RALGAPA2: variants seen among roughly 807,000 people sequenced by gnomAD.
RALGAPA2 encodes the protein ral GTPase-activating protein subunit alpha-2.
Under a neutral mutation model 230.4 loss-of-function variants are expected in RALGAPA2, and 139 were observed. The ratio of observed to expected loss-of-function variants is 0.60; its 90% CI spans 0.53 to 0.69. RALGAPA2 has a LOEUF of 0.69. Ranked by LOEUF, RALGAPA2 falls within the 30% of genes least tolerant of loss-of-function variation. The pLI, the probability that RALGAPA2 is intolerant of heterozygous loss-of-function variation, is 0.00. For missense variants in RALGAPA2, 2,163 were observed against 2,276.0 expected (o/e 0.95, Z 1.01); for synonymous variants, 847 against 837.8 (o/e 1.01, Z -0.19).
At chr20:20,523,692 T>C (rs2063112236) in intron 30 of RALGAPA2, among the ~76,000 whole-genome samples, 1 of 152,180 alleles carries the variant, frequency 6.6e-6, no homozygotes. Context: ...ACCCTGAAAA[T>C]ATGTACATCT....
At chr20:20,584,841 G>A (rs1324273637) in intron 19 of RALGAPA2, 24 bp downstream of exon 19, 11 of 1,505,846 alleles carry the variant, frequency 7.3e-6, no homozygotes, top group Non-Finnish European at 9.2e-6. Context: ...GTAGTTGGAG[G>A]AACAGACATT....
At position 20,533,086 on chromosome 20, in the gene RALGAPA2, C is replaced by T. The variant is rs2063408697; in HGVS notation, c.3474-1291G>A. 2.0e-5 allele frequency among the ~76,000 whole-genome samples: 3 copies of T among 147,714 alleles called. No individual in the cohort carries two copies. The South Asian group carries it at 6.4e-4, about 32-fold the overall frequency. On this transcript the variant is annotated intron_variant, in intron 26 of 39. Transcript: ENST00000202677. ...GAAAAATGGGATGGGGAAATGAAGG[C>T]AAGATAAAGGAGAAATAAAAGAAAT...
intron 10 of RALGAPA2, among the ~76,000 whole-genome samples, chr20:20,622,698 C>T (rs745845272): frequency 6.6e-6 from 1 of 151,932 alleles, no homozygotes; most frequent in Non-Finnish European, 1.5e-5. Flanking sequence ...AAAACTTATC[C>T]TTTAGATAGA....
At chr20:20,491,356 C>A (rs1248308090) in intron 36 of RALGAPA2, among the ~76,000 whole-genome samples, 2 of 152,162 alleles carry the variant, frequency 1.3e-5, no homozygotes, top group African/African-American at 4.8e-5. Flanking sequence ...GGACACTTCA[C>A]CAAAACTTCC....
intron 37 of RALGAPA2, among the ~76,000 whole-genome samples, chr20:20,459,425 CTTT>C (rs11476592): frequency 7.7e-6 from 1 of 129,600 alleles, no homozygotes. Context: ...GGTTTTTTTG[CTTT>C]TTTTTTTTTT....
intron 3 of RALGAPA2, among the ~76,000 whole-genome samples, chr20:20,673,895 A>G (rs1407210111): frequency 6.6e-6 from 1 of 152,134 alleles, no homozygotes; most frequent in Non-Finnish European, 1.5e-5. Context: ...TGCAAACAAA[A>G]TATTAGTCCA....
Position 20,528,363 on chromosome 20 carries a change from G to A in RALGAPA2, c.3583-2001C>T, listed in dbSNP as rs137980709. ...GACGGTGGTATGAACAGTAATCTGT[G>A]GGGGCCAGTCTAGGACTGGTGACTC... is the stretch of plus-strand genomic sequence containing the variant. On this transcript the variant is annotated intron_variant, in intron 27 of 39. Transcript: ENST00000202677. 4.2e-3 allele frequency among the ~76,000 whole-genome samples: 638 copies of A among 152,280 alleles called. 6 individuals carry two copies. Among genetic ancestry groups the A allele is most frequent in the African/African-American group, 0.015 (612 of 41,548 alleles).
At chr20:20,618,620 G>C (rs1312331367) in intron 12 of RALGAPA2, among the ~76,000 whole-genome samples, 1 of 152,148 alleles carries the variant, frequency 6.6e-6, no homozygotes, top group East Asian at 1.9e-4. Context: ...ATCTCCAAAT[G>C]TGGATGAAGG....
intron 1 of RALGAPA2, among the ~76,000 whole-genome samples, chr20:20,709,300 C>G (rs937239173): frequency 1.1e-4 from 16 of 151,626 alleles, no homozygotes; most frequent in Admixed American, 9.8e-4. Context: ...GCGTGGGTAA[C>G]AGAGTGAGAC....
At chr20:20,635,127 T>C (rs940106907) in intron 9 of RALGAPA2, among the ~76,000 whole-genome samples, 8 of 152,082 alleles carry the variant, frequency 5.3e-5, no homozygotes, top group African/African-American at 1.9e-4. Context: ...CCACTGGTAC[T>C]CAAGTGAGGA....
chr20:20,550,280 C>T (rs117095185), intron 23 of RALGAPA2, among the ~76,000 whole-genome samples: 496 of 152,208 alleles, frequency 3.3e-3, no homozygotes, highest in Middle Eastern at 6.8e-3. Context: ...AGAATAATGG[C>T]CCAATTATTC....
Position 20,454,770 on chromosome 20 carries a change from T to C in RALGAPA2, c.5495+18059A>G, listed in dbSNP as rs78105871. ...TCAAAGACGGTAGTGACATCCAATGTTCATTGTCTTCTAATGATGTTTTGT... is the reference window on the plus strand; with the variant it reads ...TCAAAGACGGTAGTGACATCCAATGCTCATTGTCTTCTAATGATGTTTTGT... On this transcript the variant is annotated intron_variant, in intron 37 of 39. Transcript: ENST00000202677. Among the ~76,000 whole-genome samples the C allele has an allele frequency of 1.7e-3, 258 of 152,354 alleles. 7 individuals are homozygous for C. The East Asian group carries it at 0.044, about 26-fold the overall frequency.
At chr20:20,683,754 G>A (rs553635707) in intron 1 of RALGAPA2, among the ~76,000 whole-genome samples, 1 of 152,306 alleles carries the variant, frequency 6.6e-6, no homozygotes, top group South Asian at 2.1e-4. Context: ...AAGATGATAA[G>A]CAGGATACAG....
chr20:20,465,197 A>ACACACACACACACTCTCT (rs772089136), intron 37 of RALGAPA2, among the ~76,000 whole-genome samples: 2 of 147,444 alleles, frequency 1.4e-5, no homozygotes, highest in Admixed American at 1.4e-4. Context: ...ACACACACAC[A>ACACACACACACACTCTCT]CTCTCTCATA....
chr20:20,628,880 AC>A (rs2066577483), intron 10 of RALGAPA2, among the ~76,000 whole-genome samples: 1 of 151,400 alleles, frequency 6.6e-6, no homozygotes, highest in South Asian at 2.1e-4. Flanking sequence ...CTTGCCACCT[AC>A]CTTTTTCTCT....
At chr20:20,418,356 C>G (rs1047777999) in intron 37 of RALGAPA2, among the ~76,000 whole-genome samples, 2 of 152,168 alleles carry the variant, frequency 1.3e-5, no homozygotes, top group Non-Finnish European at 2.9e-5. Flanking sequence ...AAATGTCAGA[C>G]AGGACATGGG....
intron 38 of RALGAPA2, among the ~76,000 whole-genome samples, chr20:20,408,451 T>C (rs2059990153): frequency 6.6e-6 from 1 of 152,260 alleles, no homozygotes; most frequent in African/African-American, 2.4e-5. Flanking sequence ...GTTCCTTTTT[T>C]TCTCTTTTAT....
chr20:20,522,224 C>A (rs2063064795), intron 30 of RALGAPA2, among the ~76,000 whole-genome samples: 1 of 149,764 alleles, frequency 6.7e-6, no homozygotes, highest in South Asian at 2.1e-4. Flanking sequence ...AGGTATACAC[C>A]CAACAGAAAT....
At chr20:20,494,764 G>T (rs745537575) in intron 36 of RALGAPA2, among the ~76,000 whole-genome samples, 7 of 152,138 alleles carry the variant, frequency 4.6e-5, no homozygotes, top group Non-Finnish European at 8.8e-5. Flanking sequence ...ATGTGATATG[G>T]GGTTCCTTCA....
Sources: allele counts gnomAD v4.1 joint callset (sites outside exome capture counted in the v4.1 genomes callset), GRCh38; gene constraint gnomAD v4.1.1; transcripts MANE v1.5; gene names NCBI Gene and HGNC (gene_info 2026-07-23, HGNC 2026-07-21).